Variants in REEP1 observed in about 807,000 individuals in gnomAD.
The protein encoded by REEP1 is receptor expression-enhancing protein 1.
REEP1 carries 22 observed loss-of-function variants against 40.3 expected under a neutral mutation model. The ratio of observed to expected loss-of-function variants is 0.55; its 90% confidence interval spans 0.39 to 0.78. REEP1 has a LOEUF of 0.78. Among genes scored for constraint, REEP1 ranks in the 30% least tolerant of loss-of-function variants. The pLI is 0.00. For synonymous variants in REEP1, 116 were observed against 139.2 expected (o/e 0.83, Z 1.17); for missense variants, 280 against 361.1 (o/e 0.78, Z 1.82).
intron 2 of REEP1, among the ~76,000 whole-genome samples, chr2:86,274,623 AT>A (rs1447916516): frequency 6.6e-6 from 1 of 152,212 alleles, no homozygotes; most frequent in Non-Finnish European, 1.5e-5. Flanking sequence ...ATAATTTTCC[AT>A]GTTTGAAAGA....
chr2:86,295,081 G>A (rs1278803540), intron 1 of REEP1, among the ~76,000 whole-genome samples: 1 of 152,190 alleles, frequency 6.6e-6, no homozygotes, highest in Admixed American at 6.5e-5. Flanking sequence ...CTGGAAAACA[G>A]CAGCTTTACT....
intron 1 of REEP1, among the ~76,000 whole-genome samples, chr2:86,290,153 C>T (rs192420916): frequency 1.3e-5 from 2 of 152,090 alleles, no homozygotes; most frequent in African/African-American, 2.4e-5. Flanking sequence ...TGCACCACCA[C>T]GCCCAGCTGA....
chr2:86,226,362 C>T (rs1363614234), intron 7 of REEP1, among the ~76,000 whole-genome samples: 47 of 151,962 alleles, frequency 3.1e-4, no homozygotes, highest in Non-Finnish European at 6.0e-4. Context: ...CCAGAAACCC[C>T]TGGAACTTCA....
At chr2:86,288,032 A>ATTATTATTTTTTTTTTTTTTTT (rs1558916454) in intron 1 of REEP1, among the ~76,000 whole-genome samples, 7 of 149,854 alleles carry the variant, frequency 4.7e-5, no homozygotes, top group African/African-American at 1.8e-4. Flanking sequence ...TATTTTTATT[A>ATTATTATTTTTTTTTTTTTTTT]TTTTTTTGAG....
At chr2:86,245,985 C>T (rs527252215) in intron 5 of REEP1, among the ~76,000 whole-genome samples, 27 of 152,142 alleles carry the variant, frequency 1.8e-4, no homozygotes, top group Non-Finnish European at 3.1e-4. Flanking sequence ...AGGATGGTCT[C>T]GATCTCCTGA....
Position 86,214,974 on chromosome 2 carries a change from AATTT to A in REEP1, c.*2061_*2064del, listed in dbSNP as rs1674021281. 6.8e-6 allele frequency: 1 copy of A among 146,196 alleles called. No individual in the cohort carries two copies. Among genetic ancestry groups the A allele is most frequent in the South Asian group, 2.3e-4 (1 of 4,438 alleles). 9.1% of individuals were successfully genotyped at this position (146,196 alleles called of 1,614,324 possible). A position where few individuals can be genotyped will look rare whatever the true frequency, so the allele number is the denominator to read the frequency against. ...AGGATTTTAAACTGCTGCTAAAGGC[AATTT>A]ATTGTTTCGGCAAAAAAAAAAAAAT... On this transcript the variant is annotated 3_prime_UTR_variant, in exon 9 of 9. Coordinates refer to ENST00000538924, the MANE Select transcript of REEP1 (RefSeq NM_001371279.1).
intron 1 of REEP1, among the ~76,000 whole-genome samples, chr2:86,301,627 G>A (rs1413203823): frequency 1.3e-5 from 2 of 152,108 alleles, no homozygotes; most frequent in Admixed American, 6.5e-5. Flanking sequence ...TTTACTAAAT[G>A]ACAATGTAAT....
chr2:86,287,840 A>G (rs1422414491), intron 1 of REEP1, among the ~76,000 whole-genome samples: 3 of 152,116 alleles, frequency 2.0e-5, no homozygotes, highest in African/African-American at 7.2e-5. Flanking sequence ...CTATGTTTTT[A>G]TTAACTACAT....
At chr2:86,253,785 C>T (rs1676407310) in intron 4 of REEP1, among the ~76,000 whole-genome samples, 1 of 152,150 alleles carries the variant, frequency 6.6e-6, no homozygotes, top group African/African-American at 2.4e-5. Context: ...CTTTCTAGTC[C>T]AAGGAATTCA....
rs114715835 is a variant in REEP1 at position 86,243,617 on chromosome 2, G to T, written c.417+8340C>A. ...GGGAGAGCCGGAATCCAGCACACTGGTAAAAAGTCTTGCTTGGTTCTGCTT... is the reference window on the plus strand; with the variant it reads ...GGGAGAGCCGGAATCCAGCACACTGTTAAAAAGTCTTGCTTGGTTCTGCTT... On this transcript the variant is annotated intron_variant, in intron 5 of 8. Coordinates refer to ENST00000538924, the MANE Select transcript of REEP1 (RefSeq NM_001371279.1). Among the ~76,000 whole-genome samples, 640 of 152,306 alleles carry T rather than the reference G, an allele frequency of 4.2e-3. 4 individuals are homozygous for T. The highest frequency in any genetic ancestry group is 0.014 in the African/African-American group (588 of 41,548).
At chr2:86,270,298 G>C (rs1397909161) in intron 2 of REEP1, among the ~76,000 whole-genome samples, 1 of 152,190 alleles carries the variant, frequency 6.6e-6, no homozygotes, top group Non-Finnish European at 1.5e-5. Context: ...CCAGGCTCAA[G>C]TGATTCTCCT....
In REEP1 at chr2:86,304,595, GA is replaced by G. The variant is rs34899178; in HGVS notation, c.33-22354del. Reference sequence around the variant, plus strand: ...CTATCATTGCTGGAGTGCTTGTTAAGAAGTTAAGCAAACAAAGACCATCTCC... The same window carrying G: ...CTATCATTGCTGGAGTGCTTGTTAAGAGTTAAGCAAACAAAGACCATCTCC... On this transcript the variant is annotated intron_variant, in intron 1 of 8. Coordinates refer to ENST00000538924, the MANE Select transcript of REEP1 (RefSeq NM_001371279.1). Among the ~76,000 whole-genome samples the G allele has an allele frequency of 7.6e-3, 1,155 of 152,296 alleles. 24 individuals are homozygous for G. Among genetic ancestry groups the G allele is most frequent in the African/African-American group, 0.026 (1,064 of 41,542 alleles).
At chr2:86,272,501 G>A (rs1004926686) in intron 2 of REEP1, among the ~76,000 whole-genome samples, 2 of 152,116 alleles carry the variant, frequency 1.3e-5, no homozygotes, top group African/African-American at 4.8e-5. Flanking sequence ...CAATTGTCCT[G>A]GTTTCCCAAT....
rs6734533 is a variant in REEP1, at chr2:86,247,269, A to G, written c.417+4688T>C. ...TTTTCACTCAAAGAAAGATGCATCA[A>G]CACTTCCCGGGGATAGGGGTTAGCC... On this transcript the variant is annotated intron_variant, in intron 5 of 8. Transcript: ENST00000538924. Among the ~76,000 whole-genome samples, 777 of 152,240 alleles carry G rather than the reference A, an allele frequency of 5.1e-3. 4 individuals are homozygous for G. Among genetic ancestry groups the G allele is most frequent in the African/African-American group, 0.018 (735 of 41,544 alleles).
intron 5 of REEP1, among the ~76,000 whole-genome samples, chr2:86,235,457 C>T (rs1574009914): frequency 6.6e-6 from 1 of 152,202 alleles, no homozygotes; most frequent in African/African-American, 2.4e-5. Context: ...AAAATGTCAA[C>T]TATGATGATA....
intron 1 of REEP1, among the ~76,000 whole-genome samples, chr2:86,318,074 C>T (rs571568780): frequency 6.6e-6 from 1 of 152,192 alleles, no homozygotes; most frequent in South Asian, 2.1e-4. Context: ...TAACAGTATC[C>T]CAATACTTGA....
At chr2:86,288,339 A>G (rs1265494805) in intron 1 of REEP1, among the ~76,000 whole-genome samples, 8 of 152,124 alleles carry the variant, frequency 5.3e-5, no homozygotes, top group Non-Finnish European at 7.4e-5. Flanking sequence ...ATTTATTTGT[A>G]TTGACACAGG....
At chr2:86,241,997 G>T (rs1269867622) in intron 5 of REEP1, among the ~76,000 whole-genome samples, 2 of 152,032 alleles carry the variant, frequency 1.3e-5, no homozygotes, top group Non-Finnish European at 2.9e-5. Context: ...AGCCTGCCTT[G>T]TAAATAACGT....
intron 1 of REEP1, among the ~76,000 whole-genome samples, chr2:86,316,314 G>A (rs556953959): frequency 6.6e-6 from 1 of 151,318 alleles, no homozygotes; most frequent in South Asian, 2.1e-4. Flanking sequence ...TGAGGCAGAC[G>A]GATCACCTGA....
Sources: gnomAD v4.1 joint callset for allele counts (sites outside exome capture counted in the v4.1 genomes callset) on GRCh38, gnomAD v4.1.1 for gene constraint, MANE v1.5 for transcripts, NCBI Gene and HGNC (gene_info 2026-07-23, HGNC 2026-07-21) for gene names.